The following KLF15 variants were observed in gnomAD, a reference collection of about 807,000 sequenced individuals.
KLF15 encodes the protein Krueppel-like factor 15.
Under a neutral mutation model 24.6 loss-of-function variants are expected in KLF15, and 4 were observed. The observed-to-expected ratio is 0.16, with a 90% CI of 0.08 to 0.37. The LOEUF (loss-of-function observed/expected upper bound fraction) is 0.37, where lower values mean the gene tolerates loss of function less well. Among genes scored for constraint, KLF15 ranks in the 10% least tolerant of loss-of-function variants. The probability of loss-of-function intolerance (pLI) is 1.00; values close to 1 mark genes in which losing one functional copy is unlikely to be tolerated. For missense variants in KLF15, 496 were observed against 560.6 expected (o/e 0.88, Z 1.16); for synonymous variants, 246 against 236.3 (o/e 1.04, Z -0.37).
chr3:126,355,042 G>A (rs900743775), intron 1 of KLF15, among the ~76,000 whole-genome samples: 5 of 152,254 alleles, frequency 3.3e-5, no homozygotes, highest in Admixed American at 3.3e-4. Context: ...CACGGCAAAC[G>A]TTCGGCCTCT....
chr3:126,338,128 G>A, downstream of KLF15, among the ~76,000 whole-genome samples: 1 of 152,356 alleles, frequency 6.6e-6, no homozygotes, highest in Non-Finnish European at 1.5e-5. Context: ...TCCTCTGCCA[G>A]GATGTGGATG....
the KLF15 span, among the ~76,000 whole-genome samples, chr3:126,314,792 GC>G: frequency 6.6e-6 from 1 of 152,210 alleles, no homozygotes; most frequent in African/African-American, 2.4e-5. Context: ...TATTGCATCA[GC>G]ATCGTTCTCT....
chr3:126,343,432 G>A lies in KLF15; in HGVS notation c.*295C>T. The A allele has an allele frequency of 5.5e-6, 2 of 363,568 alleles. No homozygotes were observed. 22.5% of individuals were successfully genotyped at this position (363,568 alleles called of 1,614,324 possible). On this transcript the variant is annotated 3_prime_UTR_variant, in exon 3 of 3. Coordinates refer to ENST00000296233, the MANE Select transcript of KLF15 (RefSeq NM_014079.4). Reference sequence around the variant, plus strand: ...GTCCCCAAAACTCTGCCTGCAACCAGCGGCTGCAGCAGAGGCCTGGCCACC... The same window carrying A: ...GTCCCCAAAACTCTGCCTGCAACCAACGGCTGCAGCAGAGGCCTGGCCACC...
chr3:126,336,620 C>T, the KLF15 span, among the ~76,000 whole-genome samples: 1 of 57,062 alleles, frequency 1.8e-5, no homozygotes, highest in Non-Finnish European at 3.2e-5. Flanking sequence ...AAAGAAACTA[C>T]CATCAGAGTG....
the KLF15 span, among the ~76,000 whole-genome samples, chr3:126,292,805 G>T: frequency 1.3e-5 from 2 of 152,146 alleles, no homozygotes; most frequent in African/African-American, 4.8e-5. Flanking sequence ...AAGGTCTGCA[G>T]GTGGCAGGAG....
At chr3:126,308,551 G>A in the KLF15 span, among the ~76,000 whole-genome samples, 10 of 152,082 alleles carry the variant, frequency 6.6e-5, no homozygotes, top group Admixed American at 2.6e-4. Flanking sequence ...CGACCCTGGC[G>A]CTCGGGGGTT....
chr3:126,322,692 A>T, the KLF15 span, among the ~76,000 whole-genome samples: 5,453 of 152,284 alleles, frequency 0.036, 344 homozygotes, highest in African/African-American at 0.13. Flanking sequence ...CATAACTTCA[A>T]ATCATAGGTT....
At chr3:126,344,049 C>T (rs1192791461) in intron 2 of KLF15, among the ~76,000 whole-genome samples, 154 bp from the exon 3 acceptor site, 1 of 152,186 alleles carries the variant, frequency 6.6e-6, no homozygotes, top group Non-Finnish European at 1.5e-5. Context: ...GGGAGGGTCC[C>T]CCATCTACGT....
chr3:126,299,968 G>C, the KLF15 span, among the ~76,000 whole-genome samples: 1 of 152,024 alleles, frequency 6.6e-6, no homozygotes, highest in Non-Finnish European at 1.5e-5. Flanking sequence ...CTAGTTTGTC[G>C]TGTCAACCCA....
chr3:126,301,079 C>T, the KLF15 span, among the ~76,000 whole-genome samples: 16 of 152,154 alleles, frequency 1.1e-4, no homozygotes, highest in African/African-American at 3.9e-4. Flanking sequence ...TGCTGTGCCC[C>T]GGTTTCCGCA....
chr3:126,308,273 C>G, the KLF15 span, among the ~76,000 whole-genome samples: 1 of 152,162 alleles, frequency 6.6e-6, no homozygotes, highest in South Asian at 2.1e-4. Flanking sequence ...CTTGACCACC[C>G]CCAAGGAGCT....
chr3:126,310,938 C>T, the KLF15 span, among the ~76,000 whole-genome samples: 1 of 152,190 alleles, frequency 6.6e-6, no homozygotes, highest in South Asian at 2.1e-4. Context: ...ACCCTGCTCT[C>T]TCTCACCTGC....
In KLF15 at chr3:126,343,647, A is replaced by G; in HGVS notation, c.*80T>C. On this transcript the variant is annotated 3_prime_UTR_variant, in exon 3 of 3. Coordinates refer to ENST00000296233, the MANE Select transcript of KLF15 (RefSeq NM_014079.4). ...TAACATTGCCATGTCCCTCTGGAGG[A>G]GGCAAATAAATTATTGCTTAAAAAA... The G allele has an allele frequency of 7.2e-7, 1 of 1,390,496 alleles. No homozygotes were observed. Among genetic ancestry groups the G allele is most frequent in the Non-Finnish European group, 9.9e-7 (1 of 1,005,188 alleles). The allele number at this position is 1,390,496 out of a possible 1,614,324, so 86.1% of individuals were successfully genotyped here. A position where few individuals can be genotyped will look rare whatever the true frequency, so the allele number is the denominator to read the frequency against.
the KLF15 span, among the ~76,000 whole-genome samples, chr3:126,316,058 A>G: frequency 6.6e-6 from 1 of 152,336 alleles, no homozygotes; most frequent in African/African-American, 2.4e-5. Context: ...CTGTATTTGC[A>G]TTTTTAAAGG....
downstream of KLF15, among the ~76,000 whole-genome samples, chr3:126,341,084 C>G (rs1028874030): frequency 6.6e-6 from 1 of 152,176 alleles, no homozygotes; most frequent in Non-Finnish European, 1.5e-5. Flanking sequence ...ACAGGCAGTG[C>G]GGCCCCATTA....
At chr3:126,311,569 A>T in the KLF15 span, among the ~76,000 whole-genome samples, 1 of 152,146 alleles carries the variant, frequency 6.6e-6, no homozygotes, top group South Asian at 2.1e-4. Context: ...TACAGAGTGA[A>T]TTCCTCCCAG....
At chr3:126,293,306 G>A in the KLF15 span, among the ~76,000 whole-genome samples, 2 of 152,100 alleles carry the variant, frequency 1.3e-5, no homozygotes, top group African/African-American at 2.4e-5. Context: ...ACAGAGTGAG[G>A]CCCTGTCTCA....
At chr3:126,292,083 C>T in the KLF15 span, among the ~76,000 whole-genome samples, 1 of 152,290 alleles carries the variant, frequency 6.6e-6, no homozygotes, top group African/African-American at 2.4e-5. Flanking sequence ...AGGCAAGCCC[C>T]CTCCTTTGCA....
intron 2 of KLF15, among the ~76,000 whole-genome samples, chr3:126,345,145 T>A (rs1385556956): frequency 6.6e-6 from 1 of 152,192 alleles, no homozygotes; most frequent in Non-Finnish European, 1.5e-5. Flanking sequence ...TCCTTAGAGC[T>A]CAGCTCGAAT....
Sources: gnomAD v4.1 joint callset for allele counts (sites outside exome capture counted in the v4.1 genomes callset) on GRCh38, gnomAD v4.1.1 for gene constraint, MANE v1.5 for transcripts, NCBI Gene and HGNC (gene_info 2026-07-23, HGNC 2026-07-21) for gene names.